The following CNTNAP2 variants were observed in gnomAD, a reference collection of about 807,000 sequenced individuals.
CNTNAP2 encodes contactin associated protein 2.
In CNTNAP2, 98 loss-of-function variants were observed where a neutral mutation model predicts 155.2. That is an observed-to-expected ratio of 0.63 (90% CI 0.54 to 0.75). The LOEUF is 0.75. Ranked by LOEUF, CNTNAP2 falls within the 30% of genes least tolerant of loss-of-function variation. The pLI is 0.00. For missense variants in CNTNAP2, 1,727 were observed against 1,688.1 expected (o/e 1.02, Z -0.40); for synonymous variants, 651 against 631.2 (o/e 1.03, Z -0.47).
intron 1 of CNTNAP2, among the ~76,000 whole-genome samples, chr7:146,377,887 C>A (rs1179841323): frequency 3.9e-5 from 6 of 152,148 alleles, no homozygotes; most frequent in African/African-American, 1.4e-4. Context: ...ATTCAATAGG[C>A]CCAACGTGGG....
chr7:147,563,353 A>G (rs10261388), intron 12 of CNTNAP2, among the ~76,000 whole-genome samples: 67,995 of 151,898 alleles, frequency 0.45, 15,418 homozygotes, highest in East Asian at 0.61. Flanking sequence ...ATATTAGACC[A>G]GGTGTGGTGG....
chr7:147,635,846 A>C (rs1453570901), intron 12 of CNTNAP2, among the ~76,000 whole-genome samples: 1 of 152,220 alleles, frequency 6.6e-6, no homozygotes, highest in Non-Finnish European at 1.5e-5. Context: ...ATCATGAGTC[A>C]AAGAAAGATT....
intron 1 of CNTNAP2, among the ~76,000 whole-genome samples, chr7:146,183,901 G>A (rs1318418013): frequency 1.3e-5 from 2 of 152,040 alleles, no homozygotes; most frequent in South Asian, 2.1e-4. Context: ...GCTCACACTC[G>A]GAATCTTTTT....
At chr7:147,052,804 T>C (rs1323571215) in intron 4 of CNTNAP2, among the ~76,000 whole-genome samples, 2 of 152,088 alleles carry the variant, frequency 1.3e-5, no homozygotes, top group African/African-American at 2.4e-5. Context: ...TTATACAAGA[T>C]AAACTGATAA....
chr7:146,611,440 A>C (rs1799135252), intron 1 of CNTNAP2, among the ~76,000 whole-genome samples: 1 of 152,186 alleles, frequency 6.6e-6, no homozygotes, highest in Non-Finnish European at 1.5e-5. Flanking sequence ...TTGGAAAAAA[A>C]ATTCTCTCAT....
At chr7:147,482,172 G>T (rs1157322924) in intron 10 of CNTNAP2, among the ~76,000 whole-genome samples, 1 of 151,978 alleles carries the variant, frequency 6.6e-6, no homozygotes, top group South Asian at 2.1e-4. Flanking sequence ...ACAAACCATT[G>T]CTAAGCAATG....
At position 147,925,273 on chromosome 7, in the gene CNTNAP2, AACAC is replaced by A. The variant is rs1166429298; in HGVS notation, c.2255+21558_2255+21561del. Among the ~76,000 whole-genome samples the A allele has an allele frequency of 2.2e-5, 3 of 134,036 alleles. No homozygotes were observed. The Admixed American group carries it at 2.3e-4, about 10-fold the overall frequency. The allele number at this position is 134,036 out of a possible 152,430, so 87.9% of individuals were successfully genotyped here. On this transcript the variant is annotated intron_variant, in intron 14 of 23. Transcript: ENST00000361727. ...ACCCCCTACACATATAATGCAGACA[AACAC>A]ACACAAGCGCGCGCGCACACACACA...
At chr7:146,402,724 T>C (rs949849492) in intron 1 of CNTNAP2, among the ~76,000 whole-genome samples, 2 of 152,102 alleles carry the variant, frequency 1.3e-5, no homozygotes, top group Non-Finnish European at 2.9e-5. Flanking sequence ...ATAAGAGAAA[T>C]AAATGTAAGT....
intron 3 of CNTNAP2, among the ~76,000 whole-genome samples, chr7:147,017,209 A>G (rs1798740888): frequency 1.3e-5 from 2 of 151,808 alleles, no homozygotes; most frequent in African/African-American, 4.8e-5. Flanking sequence ...CCATCCTCCC[A>G]GTTGTCTTCC....
chr7:147,001,861 A>T (rs1798430667), intron 3 of CNTNAP2, among the ~76,000 whole-genome samples: 1 of 151,994 alleles, frequency 6.6e-6, no homozygotes. Context: ...CAGGGGAAGG[A>T]AAGCTTAAAA....
intron 14 of CNTNAP2, among the ~76,000 whole-genome samples, chr7:147,928,701 C>G (rs1449975680): frequency 6.6e-6 from 1 of 152,154 alleles, no homozygotes; most frequent in African/African-American, 2.4e-5. Flanking sequence ...ACACTTGGAA[C>G]TGCTCTACCT....
chr7:147,319,913 A>G (rs1329924438), intron 9 of CNTNAP2, among the ~76,000 whole-genome samples: 1 of 152,340 alleles, frequency 6.6e-6, no homozygotes, highest in South Asian at 2.1e-4. Context: ...ATAGGGTCAT[A>G]TAGTAAATAT....
chr7:147,777,460 A>G (rs1797602086), intron 13 of CNTNAP2, among the ~76,000 whole-genome samples: 1 of 152,162 alleles, frequency 6.6e-6, no homozygotes, highest in South Asian at 2.1e-4. Flanking sequence ...TCTCTACAGA[A>G]CGGCCCTGAA....
At chr7:148,045,025 C>G (rs1802751538) in intron 15 of CNTNAP2, among the ~76,000 whole-genome samples, 1 of 152,188 alleles carries the variant, frequency 6.6e-6, no homozygotes, top group African/African-American at 2.4e-5. Flanking sequence ...CCAAGAGAAT[C>G]ACTCTCTGTG....
At chr7:147,873,829 C>T (rs552380891) in intron 13 of CNTNAP2, among the ~76,000 whole-genome samples, 1 of 152,286 alleles carries the variant, frequency 6.6e-6, no homozygotes, top group South Asian at 2.1e-4. Context: ...AAGTTAGTTC[C>T]TTCCTAGATT....
chr7:147,881,743 G>A (rs963982414), intron 13 of CNTNAP2, among the ~76,000 whole-genome samples: 6 of 152,202 alleles, frequency 3.9e-5, no homozygotes, highest in African/African-American at 1.2e-4. Context: ...GGCCGAGGCT[G>A]GCAGATCACC....
At chr7:146,347,105 G>A (rs1303993386) in intron 1 of CNTNAP2, among the ~76,000 whole-genome samples, 4 of 129,736 alleles carry the variant, frequency 3.1e-5, no homozygotes, top group Admixed American at 2.6e-4. Context: ...TCAATGGAAA[G>A]CCAGGATAGT....
At chr7:148,365,498 C>G (rs951924189) in intron 21 of CNTNAP2, among the ~76,000 whole-genome samples, 8 of 151,994 alleles carry the variant, frequency 5.3e-5, no homozygotes, top group African/African-American at 1.9e-4. Flanking sequence ...AACCGCGTCT[C>G]TACTAAAAAT....
rs79129375 is a variant in CNTNAP2, at chr7:146,359,252, G to A, written c.97+242279G>A. ...TATAATTTTTTATGTAATGAGTCTG[G>A]GAAGTTGAGGAAAACCTCTCAAGGC... is the stretch of plus-strand genomic sequence containing the variant. On this transcript the variant is annotated intron_variant, in intron 1 of 23. Coordinates refer to ENST00000361727, the MANE Select transcript of CNTNAP2 (RefSeq NM_014141.6). Among the ~76,000 whole-genome samples, 89 of 152,286 alleles carry A rather than the reference G, an allele frequency of 5.8e-4. 3 individuals carry two copies. The East Asian group carries it at 0.015, about 26-fold the overall frequency.
Sources: allele counts gnomAD v4.1 joint callset (sites outside exome capture counted in the v4.1 genomes callset), GRCh38; gene constraint gnomAD v4.1.1; transcripts MANE v1.5; gene names NCBI Gene and HGNC (gene_info 2026-07-23, HGNC 2026-07-21).